Variants in ASIC2 observed in about 807,000 individuals in gnomAD.
The protein encoded by ASIC2 is acid sensing ion channel subunit 2, also known as acid-sensing ion channel 2.
A neutral mutation model predicts 57.3 loss-of-function variants in ASIC2; 25 were observed. The observed-to-expected ratio is 0.44, with a 90% CI of 0.32 to 0.61. The LOEUF (loss-of-function observed/expected upper bound fraction) is 0.61, where lower values mean the gene tolerates loss of function less well. Among genes scored for constraint, ASIC2 ranks in the 20% least tolerant of loss-of-function variants. The pLI is 0.06. For missense variants in ASIC2, 641 were observed against 738.1 expected (o/e 0.87, Z 1.52); for synonymous variants, 319 against 307.5 (o/e 1.04, Z -0.39).
At chr17:33,578,527 A>T (rs773398457) in intron 1 of ASIC2, among the ~76,000 whole-genome samples, 1 of 152,232 alleles carries the variant, frequency 6.6e-6, no homozygotes, top group Non-Finnish European at 1.5e-5. Context: ...AAAGGGACAT[A>T]GACAAAATGG....
At chr17:33,128,733 A>G (rs1449541623) in intron 1 of ASIC2, among the ~76,000 whole-genome samples, 1 of 152,212 alleles carries the variant, frequency 6.6e-6, no homozygotes, top group East Asian at 1.9e-4. Context: ...TTAGAGGGCA[A>G]TTCCCAGGCT....
chr17:33,347,746 C>T (rs2645983), intron 1 of ASIC2, among the ~76,000 whole-genome samples: 30,200 of 152,042 alleles, frequency 0.2, 3,257 homozygotes, highest in African/African-American at 0.29. Context: ...AAAGGTGATG[C>T]AGTCATTGGC....
intron 1 of ASIC2, among the ~76,000 whole-genome samples, chr17:34,034,451 C>G (rs953840934): frequency 6.6e-6 from 1 of 152,188 alleles, no homozygotes; most frequent in Non-Finnish European, 1.5e-5. Flanking sequence ...AAAACAGGCA[C>G]AAGACAGGGA....
intron 1 of ASIC2, among the ~76,000 whole-genome samples, chr17:33,811,286 G>A (rs1283911211): frequency 6.6e-6 from 1 of 152,140 alleles, no homozygotes; most frequent in African/African-American, 2.4e-5. Flanking sequence ...GGAGAAACAG[G>A]GGACTTGATC....
intron 1 of ASIC2, among the ~76,000 whole-genome samples, chr17:33,115,559 T>C (rs887624249): frequency 6.6e-6 from 1 of 152,152 alleles, no homozygotes; most frequent in Non-Finnish European, 1.5e-5. Context: ...CCTAGAGTGT[T>C]CTCTGCCTAG....
intron 1 of ASIC2, among the ~76,000 whole-genome samples, chr17:34,052,799 A>G (rs1159878211): frequency 6.6e-6 from 1 of 151,724 alleles, no homozygotes; most frequent in Non-Finnish European, 1.5e-5. Flanking sequence ...TTGTATTTTT[A>G]GTAGAGATGG....
intron 3 of ASIC2, among the ~76,000 whole-genome samples, chr17:33,083,436 C>G (rs7217619): frequency 6.6e-6 from 1 of 152,014 alleles, no homozygotes; most frequent in African/African-American, 2.4e-5. Flanking sequence ...GGCCAGGTCT[C>G]GCTTATCTTA....
chr17:33,601,031 G>A (rs1905105178), intron 1 of ASIC2, among the ~76,000 whole-genome samples: 1 of 152,192 alleles, frequency 6.6e-6, no homozygotes, highest in African/African-American at 2.4e-5. Context: ...AGCATTCAAG[G>A]TGCTGTATGG....
chr17:33,970,131 C>T (rs1375579348), intron 1 of ASIC2, among the ~76,000 whole-genome samples: 1 of 152,138 alleles, frequency 6.6e-6, no homozygotes, highest in East Asian at 1.9e-4. Flanking sequence ...TAGGGAGCTG[C>T]TCTGTGGATT....
intron 1 of ASIC2, among the ~76,000 whole-genome samples, chr17:33,763,698 T>C (rs1910852208): frequency 6.6e-6 from 1 of 152,192 alleles, no homozygotes; most frequent in African/African-American, 2.4e-5. Context: ...ATATTCCAAA[T>C]AATGGCTGCT....
At chr17:33,484,962 T>C (rs898231095) in intron 1 of ASIC2, among the ~76,000 whole-genome samples, 5 of 152,390 alleles carry the variant, frequency 3.3e-5, no homozygotes, top group Admixed American at 3.3e-4. Context: ...GGGGTAGCCC[T>C]GCTCTGCAGG....
chr17:33,982,943 GAC>G (rs1905678769), intron 1 of ASIC2, among the ~76,000 whole-genome samples: 3 of 152,162 alleles, frequency 2.0e-5, no homozygotes, highest in African/African-American at 7.2e-5. Flanking sequence ...TCTAGTTAGG[GAC>G]AGATTTTAGC....
At chr17:33,597,554 G>A (rs1222088850) in intron 1 of ASIC2, among the ~76,000 whole-genome samples, 1 of 151,976 alleles carries the variant, frequency 6.6e-6, no homozygotes, top group African/African-American at 2.4e-5. Flanking sequence ...GGGATAAGGA[G>A]TTTAAATGAG....
chr17:33,660,444 T>A (rs1225694424), intron 1 of ASIC2, among the ~76,000 whole-genome samples: 12 of 152,126 alleles, frequency 7.9e-5, no homozygotes, highest in African/African-American at 2.9e-4. Context: ...TTCTATAAGC[T>A]TTTTTCTGTT....
intron 1 of ASIC2, among the ~76,000 whole-genome samples, chr17:33,278,022 A>G (rs912087251): frequency 6.6e-6 from 1 of 152,132 alleles, no homozygotes; most frequent in Non-Finnish European, 1.5e-5. Flanking sequence ...ATCCTTCCCC[A>G]ACTCGGGGCC....
At chr17:34,004,239 C>T (rs964099865) in intron 1 of ASIC2, 5 of 152,252 alleles carry the variant, frequency 3.3e-5, no homozygotes, top group Non-Finnish European at 5.9e-5. Flanking sequence ...CTGTTTTAGT[C>T]ATTTTGGTCA....
chr17:33,503,548 T>C (rs1312533855), intron 1 of ASIC2, among the ~76,000 whole-genome samples: 1 of 152,046 alleles, frequency 6.6e-6, no homozygotes, highest in Non-Finnish European at 1.5e-5. Flanking sequence ...GACGGAGCCT[T>C]GGGGTCTAGT....
chr17:34,155,213 G>A (rs1049461338), intron 1 of ASIC2, among the ~76,000 whole-genome samples: 27 of 151,964 alleles, frequency 1.8e-4, no homozygotes, highest in African/African-American at 6.3e-4. Context: ...CCCAGACAAG[G>A]CAGCCGGGAC....
At chr17:33,366,325 G>C (rs962776525) in intron 1 of ASIC2, among the ~76,000 whole-genome samples, 1 of 152,196 alleles carries the variant, frequency 6.6e-6, no homozygotes. Flanking sequence ...GTTCTTCACT[G>C]TCTTTCTCTC....
Sources: gnomAD v4.1 joint callset for allele counts (sites outside exome capture counted in the v4.1 genomes callset) on GRCh38, gnomAD v4.1.1 for gene constraint, MANE v1.5 for transcripts, NCBI Gene and HGNC (gene_info 2026-07-23, HGNC 2026-07-21) for gene names.